Variants in NAE1 observed in about 807,000 individuals in gnomAD.
The protein encoded by NAE1 is NEDD8 activating enzyme E1 subunit 1.
In NAE1, 59 loss-of-function variants were observed where a neutral mutation model predicts 88.0. The ratio of observed to expected loss-of-function variants is 0.67; its 90% CI spans 0.54 to 0.83. The LOEUF is 0.83. NAE1 is among the 40% of genes least tolerant of loss of function. The pLI is 0.00. For synonymous variants in NAE1, 186 were observed against 208.9 expected (o/e 0.89, Z 0.95); for missense variants, 554 against 632.8 (o/e 0.88, Z 1.34).
intron 6 of NAE1, among the ~76,000 whole-genome samples, chr16:66,822,493 C>T (rs774864104): frequency 2.8e-4 from 43 of 151,854 alleles, no homozygotes; most frequent in Non-Finnish European, 6.0e-4. Context: ...GTTACCTGAA[C>T]CCAGGAGGCA....
intron 15 of NAE1, among the ~76,000 whole-genome samples, chr16:66,810,132 T>C (rs1165841812): frequency 6.6e-6 from 1 of 152,198 alleles, no homozygotes; most frequent in Admixed American, 6.5e-5. Flanking sequence ...TTCAATTAAC[T>C]GACCGTCAAG....
At chr16:66,804,255 A>C (rs921166312) in intron 19 of NAE1, among the ~76,000 whole-genome samples, 2 of 151,628 alleles carry the variant, frequency 1.3e-5, no homozygotes, top group African/African-American at 2.4e-5. Context: ...AAAAAAAAAA[A>C]CAAAGAAAAC....
intron 9 of NAE1, 94 bp downstream of exon 9, chr16:66,817,331 A>G: frequency 1.8e-6 from 2 of 1,098,804 alleles, no homozygotes; most frequent in Non-Finnish European, 2.7e-6. Flanking sequence ...TCCATAAGGA[A>G]AAAAAATTAA....
At chr16:66,818,507 A>G in intron 8 of NAE1, 21 bp downstream of exon 8, 1 of 1,568,450 alleles carries the variant, frequency 6.4e-7, no homozygotes, top group Non-Finnish European at 8.7e-7. Flanking sequence ...CTGTAAATGT[A>G]AGGTCACACA....
At chr16:66,809,793 C>A (rs1267592142) in intron 15 of NAE1, among the ~76,000 whole-genome samples, 1 of 152,106 alleles carries the variant, frequency 6.6e-6, no homozygotes, top group Non-Finnish European at 1.5e-5. Flanking sequence ...TAAACTTCCA[C>A]AGGACGTAGG....
chr16:66,808,595 G>A lies in NAE1; in HGVS notation c.1256C>T (p.Pro419Leu). 6.2e-7 allele frequency: 1 copy of A among 1,604,970 alleles called. No individual in the cohort carries two copies. The highest frequency in any genetic ancestry group is 8.5e-7 in the Non-Finnish European group (1 of 1,175,320). Residue 419 changes from proline to leucine, a missense_variant, in exon 17 of 20, where the codon CCA becomes CTA. By Grantham distance (98) the Pro-to-Leu change is moderately conservative (BLOSUM62 -3). Transcript: ENST00000290810. ...TAAGTACAACACTATTTCATTATCT[G>A]GATTGTCCATGCTAGAAACTGAAAG... is the stretch of plus-strand genomic sequence containing the variant. ...KDEIISSMDN[P>L]DNEIVLYLML... is the part of the protein sequence containing the mutation.
chr16:66,810,257 T>C (rs561384698), intron 15 of NAE1, 117 bp downstream of exon 15: 1 of 775,302 alleles, frequency 1.3e-6, no homozygotes, highest in East Asian at 2.5e-5. Flanking sequence ...ATTATCTATA[T>C]CTATATCACT....
At position 66,821,532 on chromosome 16, in the gene NAE1, G is replaced by A; in HGVS notation, c.429C>T (p.Leu143=). 1 of 1,602,182 alleles carries A rather than the reference G, an allele frequency of 6.2e-7. No homozygotes were observed. ...TCAAAAGAGGAATCTGGGAATTCCA[G>A]AGGACATCTGCTAAGCGTAGTGAAG... ...ESTSLRLADV[L]WNSQIPLLIC... The change falls in exon 7 of 20, where the codon CTC becomes CTT. Residue 143 remains leucine (L), a synonymous_variant. Coordinates refer to ENST00000290810, the MANE Select transcript of NAE1 (RefSeq NM_003905.4).
Position 66,813,874 on chromosome 16 carries a change from T to C in NAE1, c.841-28A>G, listed in dbSNP as rs368548251. The C allele has an allele frequency of 2.3e-5, 37 of 1,592,964 alleles. No homozygotes were observed. In the African/African-American group the frequency reaches 4.4e-4, roughly 19 times the overall value. ...AACAAAGGAACATGAAACATTTACT[T>C]ACACAGTATTAAGAATTCGCCCATC... On this transcript the variant is annotated intron_variant, in intron 11 of 19. Coordinates refer to ENST00000290810, the MANE Select transcript of NAE1 (RefSeq NM_003905.4).
chr16:66,811,775 TG>T (rs1959811955), intron 13 of NAE1, among the ~76,000 whole-genome samples: 1 of 152,210 alleles, frequency 6.6e-6, no homozygotes, highest in African/African-American at 2.4e-5. Context: ...CTACCTCCCA[TG>T]TAAGGTCATA....
At chr16:66,804,680 T>C (rs931532278) in intron 19 of NAE1, among the ~76,000 whole-genome samples, 46 of 152,286 alleles carry the variant, frequency 3.0e-4, no homozygotes, top group African/African-American at 1.0e-3. Context: ...CTCAAATTCA[T>C]ATGTTGAAAT....
intron 13 of NAE1, chr16:66,813,307 T>G (rs1959894322): frequency 2.6e-6 from 1 of 388,872 alleles, no homozygotes; most frequent in Non-Finnish European, 4.6e-6. Context: ...CATGCCCACC[T>G]AATTTTTCAA....
At chr16:66,824,006 A>G (rs191939346) in intron 4 of NAE1, among the ~76,000 whole-genome samples, 1 of 152,222 alleles carries the variant, frequency 6.6e-6, no homozygotes, top group Admixed American at 6.5e-5. Flanking sequence ...CAAAGTGCTG[A>G]GATTACAGGC....
chr16:66,809,819 G>A (rs1282748553), intron 15 of NAE1, among the ~76,000 whole-genome samples: 1 of 152,102 alleles, frequency 6.6e-6, no homozygotes, highest in East Asian at 1.9e-4. Context: ...TAGCTACAGG[G>A]AGAAATCTTC....
At chr16:66,812,162 T>C (rs530889820) in intron 13 of NAE1, among the ~76,000 whole-genome samples, 21 of 152,326 alleles carry the variant, frequency 1.4e-4, no homozygotes, top group African/African-American at 5.1e-4. Flanking sequence ...CAAGGTAGTA[T>C]AGGGCCATAG....
intron 1 of NAE1, among the ~76,000 whole-genome samples, chr16:66,827,042 C>G (rs999333674): frequency 6.6e-6 from 1 of 152,088 alleles, no homozygotes; most frequent in Non-Finnish European, 1.5e-5. Flanking sequence ...AGCCTGGGCA[C>G]AAGAGCGACA....
chr16:66,828,071 G>C lies in NAE1; in HGVS notation c.54-1291C>G, dbSNP rs754001376. 60 of 1,611,790 alleles carry C rather than the reference G, an allele frequency of 3.7e-5. No homozygotes were observed. In the South Asian group the frequency reaches 6.3e-4, roughly 17 times the overall value. Reference sequence around the variant, plus strand: ...CCAGACAGCTGTCAAATGTATGGAGGAATCGCCTAGAAGAACCAGATGGAC... The same window carrying C: ...CCAGACAGCTGTCAAATGTATGGAGCAATCGCCTAGAAGAACCAGATGGAC... On this transcript the variant is annotated intron_variant, in intron 1 of 19. Coordinates refer to ENST00000290810, the MANE Select transcript of NAE1 (RefSeq NM_003905.4).
At chr16:66,816,406 C>A (rs908474179) in intron 11 of NAE1, among the ~76,000 whole-genome samples, 175 bp downstream of exon 11, 1 of 152,110 alleles carries the variant, frequency 6.6e-6, no homozygotes, top group African/African-American at 2.4e-5. Flanking sequence ...CTCAGGTGAT[C>A]CACCCGCCTC....
intron 17 of NAE1, 152 bp from the exon 18 acceptor site, chr16:66,806,178 T>C (rs1959554754): frequency 3.4e-6 from 3 of 883,308 alleles, no homozygotes; most frequent in Non-Finnish European, 4.8e-6. Flanking sequence ...TTTGCACATA[T>C]CACAAACCTA....
Sources: gnomAD v4.1 joint callset for allele counts (sites outside exome capture counted in the v4.1 genomes callset) on GRCh38, gnomAD v4.1.1 for gene constraint, MANE v1.5 for transcripts, NCBI Gene and HGNC (gene_info 2026-07-23, HGNC 2026-07-21) for gene names.